Variants in L3MBTL4 observed in about 807,000 individuals in gnomAD.
L3MBTL4 encodes the protein L3MBTL histone methyl-lysine binding protein 4, also known as lethal(3)malignant brain tumor-like protein 4.
Under a neutral mutation model 84.5 loss-of-function variants are expected in L3MBTL4, and 70 were observed. That is an observed-to-expected ratio of 0.83 (90% CI 0.68 to 1.01). The LOEUF (loss-of-function observed/expected upper bound fraction) is 1.01, where lower values mean the gene tolerates loss of function less well. L3MBTL4 is among the 50% of genes least tolerant of loss of function. The probability of loss-of-function intolerance (pLI) is 0.00; values close to 1 mark genes in which losing one functional copy is unlikely to be tolerated. For missense variants in L3MBTL4, 715 were observed against 754.8 expected, an observed-to-expected ratio of 0.95 and a Z score of 0.62; for synonymous variants, 274 against 259.8, an observed-to-expected ratio of 1.05 and a Z score of -0.52.
At chr18:6,128,037 G>GT (rs1568166963) in intron 14 of L3MBTL4, among the ~76,000 whole-genome samples, 2 of 129,570 alleles carry the variant, frequency 1.5e-5, no homozygotes, top group Admixed American at 7.7e-5. Context: ...ATTGGGTGGG[G>GT]CGGGGGAAGA....
At chr18:6,186,235 T>G (rs2044755593) in intron 12 of L3MBTL4, among the ~76,000 whole-genome samples, 1 of 151,412 alleles carries the variant, frequency 6.6e-6, no homozygotes, top group Admixed American at 6.6e-5. Flanking sequence ...AGAGACGAGG[T>G]TTCACCATGT....
intron 17 of L3MBTL4, among the ~76,000 whole-genome samples, chr18:5,966,559 G>A (rs1390273092): frequency 6.6e-6 from 1 of 152,084 alleles, no homozygotes. Flanking sequence ...TCACACCTTG[G>A]GAAATGCACC....
At chr18:6,130,195 G>C (rs1282802976) in intron 14 of L3MBTL4, among the ~76,000 whole-genome samples, 1 of 152,116 alleles carries the variant, frequency 6.6e-6, no homozygotes, top group African/African-American at 2.4e-5. Context: ...CGGTCAGTCT[G>C]GATGTCCAGT....
At chr18:6,176,369 T>C (rs2044225384) in intron 12 of L3MBTL4, among the ~76,000 whole-genome samples, 1 of 152,164 alleles carries the variant, frequency 6.6e-6, no homozygotes, top group South Asian at 2.1e-4. Flanking sequence ...AATATATTAA[T>C]AAAACAAAAT....
intron 4 of L3MBTL4, 50 bp downstream of exon 4, chr18:6,301,853 T>C (rs769432198): frequency 7.4e-6 from 10 of 1,356,496 alleles, no homozygotes; most frequent in African/African-American, 1.4e-5. Flanking sequence ...AAAAATTCAC[T>C]TAAAATTTGT....
intron 1 of L3MBTL4, among the ~76,000 whole-genome samples, chr18:6,369,342 G>A (rs2054064739): frequency 6.6e-6 from 1 of 152,198 alleles, no homozygotes; most frequent in Non-Finnish European, 1.5e-5. Context: ...TCCTCCAGGG[G>A]ACGGGCAGGG....
intron 4 of L3MBTL4, among the ~76,000 whole-genome samples, chr18:6,281,186 T>C (rs1045497452): frequency 1.3e-5 from 2 of 152,110 alleles, no homozygotes; most frequent in Admixed American, 6.6e-5. Context: ...TAAAAAGTAA[T>C]GCATAAAGAA....
At chr18:5,978,049 G>T (rs2053031786) in intron 16 of L3MBTL4, among the ~76,000 whole-genome samples, 1 of 152,214 alleles carries the variant, frequency 6.6e-6, no homozygotes, top group Admixed American at 6.5e-5. Context: ...TAGCAGGGGT[G>T]CTTAACACAT....
chr18:6,365,241 A>G (rs772882874), intron 1 of L3MBTL4, among the ~76,000 whole-genome samples: 15 of 152,348 alleles, frequency 9.8e-5, no homozygotes, highest in Middle Eastern at 3.4e-3. Flanking sequence ...TACAAAATGT[A>G]TAAACATTAT....
chr18:6,140,358 C>T lies in L3MBTL4; in HGVS notation c.1097-2062G>A, dbSNP rs112515103. 2.4e-3 allele frequency among the ~76,000 whole-genome samples: 367 copies of T among 152,304 alleles called. 1 individual carries two copies. Among genetic ancestry groups the T allele is most frequent in the Non-Finnish European group, 3.4e-3 (233 of 68,026 alleles). ...ACTTTTCAATCATGTCTGGCTGTGG[C>T]GCGAAGGTGGGAAAGAGCCAACCAT... On this transcript the variant is annotated intron_variant, in intron 13 of 18. Transcript: ENST00000317931.
At chr18:6,329,800 A>G (rs576091356) in intron 1 of L3MBTL4, among the ~76,000 whole-genome samples, 15 of 152,320 alleles carry the variant, frequency 9.8e-5, no homozygotes, top group African/African-American at 3.1e-4. Flanking sequence ...CCACAAGTGG[A>G]TTAATCCATT....
At chr18:6,066,151 T>C (rs1245769301) in intron 16 of L3MBTL4, among the ~76,000 whole-genome samples, 1 of 152,172 alleles carries the variant, frequency 6.6e-6, no homozygotes, top group East Asian at 1.9e-4. Flanking sequence ...AACTTCCATG[T>C]ATTCGTATAG....
intron 16 of L3MBTL4, among the ~76,000 whole-genome samples, chr18:5,983,907 A>G (rs890529455): frequency 1.3e-5 from 2 of 152,050 alleles, no homozygotes; most frequent in Non-Finnish European, 2.9e-5. Flanking sequence ...GAATGGCAAG[A>G]TCATCTGAAT....
At chr18:6,176,915 A>T (rs2145281705) in intron 12 of L3MBTL4, among the ~76,000 whole-genome samples, 1 of 152,314 alleles carries the variant, frequency 6.6e-6, no homozygotes, top group East Asian at 1.9e-4. Flanking sequence ...ACTCTTCACC[A>T]GAGAAACCAA....
intron 1 of L3MBTL4, among the ~76,000 whole-genome samples, chr18:6,350,081 C>T (rs1353726939): frequency 6.6e-6 from 1 of 152,138 alleles, no homozygotes; most frequent in African/African-American, 2.4e-5. Flanking sequence ...TGGTCCTTTA[C>T]CTTACACCAT....
intron 1 of L3MBTL4, among the ~76,000 whole-genome samples, chr18:6,363,318 A>G (rs2144055222): frequency 1.3e-5 from 2 of 152,170 alleles, no homozygotes; most frequent in Middle Eastern, 3.4e-3. Context: ...ACACGCCCAC[A>G]CCCGACTCCC....
intron 12 of L3MBTL4, among the ~76,000 whole-genome samples, chr18:6,199,205 G>T (rs1029723306): frequency 1.3e-5 from 2 of 152,152 alleles, no homozygotes; most frequent in African/African-American, 4.8e-5. Flanking sequence ...CAGGTAATCA[G>T]CCCCCTCATG....
intron 4 of L3MBTL4, among the ~76,000 whole-genome samples, chr18:6,298,850 A>C (rs1196353811): frequency 6.6e-6 from 1 of 152,036 alleles, no homozygotes; most frequent in African/African-American, 2.4e-5. Flanking sequence ...CTCCAGACTC[A>C]GCAACAAGAG....
intron 16 of L3MBTL4, among the ~76,000 whole-genome samples, chr18:6,064,325 T>C (rs1311128839): frequency 6.6e-6 from 1 of 152,156 alleles, no homozygotes; most frequent in African/African-American, 2.4e-5. Context: ...TGCTTAGTAT[T>C]GCTTTGGCTA....
Sources: gnomAD v4.1 joint callset for allele counts (sites outside exome capture counted in the v4.1 genomes callset) on GRCh38, gnomAD v4.1.1 for gene constraint, MANE v1.5 for transcripts, NCBI Gene and HGNC (gene_info 2026-07-23, HGNC 2026-07-21) for gene names.